CLDN16: variants seen among roughly 807,000 people sequenced by gnomAD.
The protein encoded by CLDN16 is claudin 16, also known as claudin-16.
A neutral mutation model predicts 24.6 loss-of-function variants in CLDN16; 13 were observed. The ratio of observed to expected loss-of-function variants is 0.53; its 90% confidence interval spans 0.34 to 0.84. The LOEUF (loss-of-function observed/expected upper bound fraction) is 0.84, where lower values mean the gene tolerates loss of function less well. CLDN16 is among the 40% of genes least tolerant of loss of function. The probability of loss-of-function intolerance (pLI) is 0.01; values close to 1 mark genes in which losing one functional copy is unlikely to be tolerated. For synonymous variants in CLDN16, 116 were observed against 106.7 expected, an observed-to-expected ratio of 1.09 and a Z score of -0.54; for missense variants, 298 against 292.7, an observed-to-expected ratio of 1.02 and a Z score of -0.13.
chr3:190,324,749 C>G (rs1243695085), intron 1 of CLDN16, among the ~76,000 whole-genome samples: 3 of 152,146 alleles, frequency 2.0e-5, no homozygotes, highest in Non-Finnish European at 4.4e-5. Context: ...GTGATTCAGG[C>G]CCATCTCTAG....
chr3:190,309,302 C>G, the CLDN16 span, among the ~76,000 whole-genome samples: 5 of 152,182 alleles, frequency 3.3e-5, no homozygotes, highest in Non-Finnish European at 7.4e-5. Context: ...TTTTAGCCTA[C>G]TGACCTCTAG....
At chr3:190,357,473 C>T (rs1717798920) in intron 1 of CLDN16, among the ~76,000 whole-genome samples, 2 of 151,768 alleles carry the variant, frequency 1.3e-5, no homozygotes, top group Admixed American at 1.3e-4. Flanking sequence ...TTTTCCTTTC[C>T]TCATTCTAGT....
intron 1 of CLDN16, among the ~76,000 whole-genome samples, chr3:190,346,392 C>T (rs139947315): frequency 4.6e-5 from 7 of 152,194 alleles, no homozygotes; most frequent in East Asian, 3.9e-4. Context: ...AAAAATCCTC[C>T]GGCAATTTTA....
intron 1 of CLDN16, among the ~76,000 whole-genome samples, chr3:190,365,683 A>G (rs771713677): frequency 1.3e-5 from 2 of 151,232 alleles, no homozygotes; most frequent in Non-Finnish European, 3.0e-5. Flanking sequence ...TTTGTGTTTT[A>G]CTAATCTCCT....
chr3:190,333,096 C>T (rs1717217787), intron 1 of CLDN16, among the ~76,000 whole-genome samples: 1 of 152,098 alleles, frequency 6.6e-6, no homozygotes, highest in African/African-American at 2.4e-5. Flanking sequence ...CCCAAATAAA[C>T]CTTTACACCC....
the CLDN16 span, chr3:190,310,311 A>G: frequency 1.5e-6 from 2 of 1,346,308 alleles, no homozygotes; most frequent in Admixed American, 1.7e-5. Context: ...GCCTAAATAC[A>G]CAACCTGTTA....
At chr3:190,384,152 A>G (rs929408236), upstream of CLDN16, among the ~76,000 whole-genome samples, 6 of 152,098 alleles carry the variant, frequency 3.9e-5, no homozygotes, top group Non-Finnish European at 8.8e-5. Flanking sequence ...GCCTTTCAGA[A>G]CAGCAACTGA....
chr3:190,402,722 G>A (rs1577429638), intron 2 of CLDN16, among the ~76,000 whole-genome samples: 1 of 151,900 alleles, frequency 6.6e-6, no homozygotes, highest in South Asian at 2.1e-4. Context: ...TACTCAGCAG[G>A]CTTACAGTAA....
chr3:190,401,526 C>G (rs1718962601), intron 1 of CLDN16, among the ~76,000 whole-genome samples: 1 of 152,164 alleles, frequency 6.6e-6, no homozygotes, highest in Admixed American at 6.5e-5. Context: ...AAACTATTTT[C>G]TGTTGGCATG....
At chr3:190,306,905 G>T in the CLDN16 span, 3 of 152,656 alleles carry the variant, frequency 2.0e-5, no homozygotes, top group Non-Finnish European at 4.4e-5. Context: ...CCACATGAAG[G>T]TATGTGTGTA....
At chr3:190,363,433 G>A (rs1419770453) in intron 1 of CLDN16, among the ~76,000 whole-genome samples, 1 of 149,766 alleles carries the variant, frequency 6.7e-6, no homozygotes, top group African/African-American at 2.5e-5. Context: ...AAATAGGTCT[G>A]GTTTATATGT....
chr3:190,395,948 G>A (rs1348152499), intron 1 of CLDN16, among the ~76,000 whole-genome samples: 1 of 152,062 alleles, frequency 6.6e-6, no homozygotes, highest in Non-Finnish European at 1.5e-5. Flanking sequence ...TGTTACTAGA[G>A]AAGAGATAAA....
chr3:190,339,798 G>A (rs60659223), intron 1 of CLDN16, among the ~76,000 whole-genome samples: 1,819 of 152,150 alleles, frequency 0.012, 41 homozygotes, highest in African/African-American at 0.039. Flanking sequence ...GACTATCTTG[G>A]TAGTTGTTAT....
chr3:190,316,951 G>T, the CLDN16 span, among the ~76,000 whole-genome samples: 1 of 152,200 alleles, frequency 6.6e-6, no homozygotes, highest in Non-Finnish European at 1.5e-5. Flanking sequence ...AATACAAATT[G>T]TACTTTTTGC....
intron 1 of CLDN16, among the ~76,000 whole-genome samples, chr3:190,340,484 C>G (rs1167081871): frequency 6.6e-6 from 1 of 152,108 alleles, no homozygotes. Context: ...GAGTCTTACT[C>G]ACTAACATGA....
At position 190,409,949 on chromosome 3, in the gene CLDN16, T is replaced by C; in HGVS notation, c.621T>C (p.Tyr207=). Residue 207 remains tyrosine (Y), a synonymous_variant, in exon 5 of 5, where the codon TAT becomes TAC. Coordinates refer to ENST00000264734, the MANE Select transcript of CLDN16 (RefSeq NM_006580.4). ...ATCCTTATTCCTTGAGGAAAGCCTATTCAGCCGCGGGTGTTTCCATGGCCA... is the reference window on the plus strand; with the variant it reads ...ATCCTTATTCCTTGAGGAAAGCCTACTCAGCCGCGGGTGTTTCCATGGCCA... The part of the protein sequence containing the change: ...RNYPYSLRKA[Y]SAAGVSMAKS... 6.2e-7 allele frequency: 1 copy of C among 1,614,088 alleles called. No homozygotes were observed. The highest frequency in any genetic ancestry group is 8.5e-7 in the Non-Finnish European group (1 of 1,179,956).
chr3:190,389,060 C>A (rs1186138365), intron 1 of CLDN16, among the ~76,000 whole-genome samples: 1 of 152,106 alleles, frequency 6.6e-6, no homozygotes, highest in African/African-American at 2.4e-5. Context: ...AAATGAGTTG[C>A]TCTAGGGAAC....
At chr3:190,324,860 C>T (rs1185351823) in intron 1 of CLDN16, among the ~76,000 whole-genome samples, 1 of 152,146 alleles carries the variant, frequency 6.6e-6, no homozygotes, top group Non-Finnish European at 1.5e-5. Context: ...GGAAAAACAG[C>T]TTCCAAATAC....
In CLDN16 at chr3:190,409,987, C is replaced by T. The variant is rs371465699; in HGVS notation, c.659C>T (p.Ala220Val). The change falls in exon 5 of 5, where the codon GCC (alanine) becomes GTC (valine). Residue 220 changes from alanine to valine, a missense_variant. Coordinates refer to ENST00000264734, the MANE Select transcript of CLDN16 (RefSeq NM_006580.4). The part of the protein sequence containing the change: ...AGVSMAKSYS[A>V]PRTETAKMYA... Reference sequence around the variant, plus strand: ...GTTTCCATGGCCAAGTCATACTCAGCCCCTCGCACAGAGACGGCCAAAATG... The same window carrying T: ...GTTTCCATGGCCAAGTCATACTCAGTCCCTCGCACAGAGACGGCCAAAATG... 6 of 1,613,910 alleles carry T rather than the reference C, an allele frequency of 3.7e-6. No homozygotes were observed. Among genetic ancestry groups the T allele is most frequent in the Non-Finnish European group, 5.1e-6 (6 of 1,179,994 alleles).
Sources: allele counts gnomAD v4.1 joint callset (sites outside exome capture counted in the v4.1 genomes callset), GRCh38; gene constraint gnomAD v4.1.1; transcripts MANE v1.5; gene names NCBI Gene and HGNC (gene_info 2026-07-23, HGNC 2026-07-21).